Variants in DMD observed in about 807,000 individuals in gnomAD.
DMD encodes the protein mutant dystrophin.
In DMD, 63 loss-of-function variants were observed where a neutral mutation model predicts 330.1. That is an observed-to-expected ratio of 0.19 (90% CI 0.16 to 0.24). The LOEUF (loss-of-function observed/expected upper bound fraction) is 0.24, where lower values mean the gene tolerates loss of function less well. DMD is among the 10% of genes least tolerant of loss of function. DMD has a pLI of 1.00. For missense variants in DMD, 3,344 were observed against 2,684.1 expected, an observed-to-expected ratio of 1.25 and a Z score of -5.43; for synonymous variants, 1,223 against 959.8, an observed-to-expected ratio of 1.27 and a Z score of -5.07.
At chrX:32,599,462 GTAAGGCTATATTTAATTACAAT>G (rs2055938508) in intron 12 of DMD, among the ~76,000 whole-genome samples, 4 of 111,559 alleles carry the variant, frequency 3.6e-5, no homozygotes, top group Admixed American at 1.9e-4. Context: ...CTAAAGTGTT[GTAAGGCTATATTTAATTACAAT>G]TTTAAATACT....
intron 4 of DMD, among the ~76,000 whole-genome samples, chrX:32,839,974 G>A (rs1221711410): frequency 9.0e-6 from 1 of 111,713 alleles, no homozygotes; most frequent in African/African-American, 3.3e-5. Context: ...CACCCAAAGT[G>A]CTGGTATTAC....
chrX:31,930,589 T>A (rs115708920), intron 46 of DMD, among the ~76,000 whole-genome samples: 62 of 111,612 alleles, frequency 5.6e-4, no homozygotes, highest in African/African-American at 1.9e-3. Context: ...TTCACTAAAA[T>A]AAAATCTCAA....
At chrX:31,829,865 CTCTT>C (rs2092982224) in intron 49 of DMD, among the ~76,000 whole-genome samples, 1 of 112,210 alleles carries the variant, frequency 8.9e-6, no homozygotes, top group African/African-American at 3.2e-5. Flanking sequence ...CTTTGTCTCT[CTCTT>C]TAAGTGTAAC....
At chrX:32,639,630 C>A (rs1486981490) in intron 11 of DMD, among the ~76,000 whole-genome samples, 2 of 111,436 alleles carry the variant, frequency 1.8e-5, no homozygotes, top group African/African-American at 6.5e-5. Flanking sequence ...ATAAAAGCAA[C>A]AGAATTGGAG....
intron 17 of DMD, among the ~76,000 whole-genome samples, chrX:32,519,284 A>G (rs2046194126): frequency 1.9e-5 from 2 of 105,402 alleles, no homozygotes; most frequent in South Asian, 8.2e-4. Context: ...AAAAAAAAAA[A>G]TCAAACTAAA....
chrX:32,995,903 G>C (rs1393107598), intron 2 of DMD, among the ~76,000 whole-genome samples: 1 of 111,750 alleles, frequency 8.9e-6, no homozygotes, highest in Non-Finnish European at 1.9e-5. Context: ...TATCTAGCTC[G>C]GATTTAAATT....
chrX:31,814,706 T>G (rs2092573694), intron 50 of DMD, among the ~76,000 whole-genome samples: 1 of 111,197 alleles, frequency 9.0e-6, no homozygotes, highest in Admixed American at 9.6e-5. Flanking sequence ...GCCCAGCAGC[T>G]TGTGGATAAG....
At chrX:31,794,138 AATTG>A (rs1302146434) in intron 50 of DMD, among the ~76,000 whole-genome samples, 1 of 112,015 alleles carries the variant, frequency 8.9e-6, no homozygotes, top group Non-Finnish European at 1.9e-5. Context: ...GTGGTGTTAA[AATTG>A]ATTGAAGATT....
At position 31,984,422 on chromosome X, in the gene DMD, A is replaced by C. The variant is rs142362257; in HGVS notation, c.6439-15908T>G. ...CATAGTGAACATTTGTGTAGAGTTC[A>C]TCACATCTAATTTTCTGTTTTCTTT... On this transcript the variant is annotated intron_variant, in intron 44 of 78. Transcript: ENST00000357033. 3.0e-3 allele frequency among the ~76,000 whole-genome samples: 342 copies of C among 112,431 alleles called. 1 individual carries two copies. The highest frequency in any genetic ancestry group is 0.011 in the African/African-American group (327 of 31,026).
intron 4 of DMD, among the ~76,000 whole-genome samples, chrX:32,840,167 C>G (rs183037698): frequency 5.0e-4 from 56 of 111,891 alleles, no homozygotes; most frequent in African/African-American, 1.6e-3. Flanking sequence ...AGCTCTAGCT[C>G]AGATGAAAGC....
chrX:31,862,166 C>T (rs1406806683), intron 48 of DMD, among the ~76,000 whole-genome samples: 1 of 110,875 alleles, frequency 9.0e-6, no homozygotes, highest in African/African-American at 3.3e-5. Flanking sequence ...TGGAGTCTTG[C>T]TCTGTCACCC....
At chrX:31,395,972 T>A (rs1006855909) in intron 60 of DMD, among the ~76,000 whole-genome samples, 1 of 111,898 alleles carries the variant, frequency 8.9e-6, no homozygotes, top group Admixed American at 9.5e-5. Flanking sequence ...AATTTAGGCA[T>A]ATCTCTCAGG....
At chrX:32,477,427 C>A (rs2041351947) in intron 21 of DMD, among the ~76,000 whole-genome samples, 1 of 110,558 alleles carries the variant, frequency 9.0e-6, no homozygotes, top group Non-Finnish European at 1.9e-5. Context: ...TTTTCTGCAC[C>A]TTTTGTTTAA....
chrX:31,175,949 T>C (rs2040462927), intron 71 of DMD, among the ~76,000 whole-genome samples: 2 of 111,188 alleles, frequency 1.8e-5, no homozygotes, highest in African/African-American at 6.5e-5. Context: ...GAGTTTAGTC[T>C]AAGGAAAACC....
intron 44 of DMD, among the ~76,000 whole-genome samples, chrX:31,975,216 T>G (rs1162780741): frequency 9.0e-6 from 1 of 111,688 alleles, no homozygotes; most frequent in African/African-American, 3.2e-5. Flanking sequence ...GATTAATGAT[T>G]TGAATGCCTT....
chrX:32,800,400 G>C (rs1376989843), intron 7 of DMD, among the ~76,000 whole-genome samples: 1 of 110,703 alleles, frequency 9.0e-6, no homozygotes, highest in Non-Finnish European at 1.9e-5. Context: ...TTTTTTCTTT[G>C]AATCATCATT....
At chrX:32,576,784 T>C (rs1429607721) in intron 13 of DMD, among the ~76,000 whole-genome samples, 3 of 110,041 alleles carry the variant, frequency 2.7e-5, no homozygotes, top group African/African-American at 9.9e-5. Context: ...TTTAGGTACA[T>C]AGGCAACCTA....
At position 31,574,145 on chromosome X, in the gene DMD, T is replaced by G. The variant is rs1434312224; in HGVS notation, c.8217+53528A>C. ...AGGATGATCTGTTTGTTTTTTTTTTTGTTTTTTTTTTTTTTTGAGGCAGAG... is the reference window on the plus strand; with the variant it reads ...AGGATGATCTGTTTGTTTTTTTTTTGGTTTTTTTTTTTTTTTGAGGCAGAG... On this transcript the variant is annotated intron_variant, in intron 55 of 78. Transcript: ENST00000357033. Among the ~76,000 whole-genome samples the G allele has an allele frequency of 1.8e-3, 171 of 95,094 alleles. 9 individuals are homozygous for G. The East Asian group carries it at 0.048, about 27-fold the overall frequency. The allele number at this position is 95,094 out of a possible 115,157, so 82.6% of individuals were successfully genotyped here.
intron 53 of DMD, among the ~76,000 whole-genome samples, chrX:31,663,016 G>T (rs2081220329): frequency 9.0e-6 from 1 of 111,145 alleles, no homozygotes; most frequent in Admixed American, 9.6e-5. Context: ...ACTCCACTCA[G>T]TATTGAGATG....
Sources: allele counts gnomAD v4.1 joint callset (sites outside exome capture counted in the v4.1 genomes callset), GRCh38; gene constraint gnomAD v4.1.1; transcripts MANE v1.5; gene names NCBI Gene and HGNC (gene_info 2026-07-23, HGNC 2026-07-21).